The following DKK2 variants were observed in gnomAD, a reference collection of about 807,000 sequenced individuals.
The protein encoded by DKK2 is dickkopf-related protein 2.
A neutral mutation model predicts 28.1 loss-of-function variants in DKK2; 11 were observed. The observed-to-expected ratio is 0.39, with a 90% CI of 0.25 to 0.65. The LOEUF (loss-of-function observed/expected upper bound fraction) is 0.65. Among genes scored for constraint, DKK2 ranks in the 30% least tolerant of loss-of-function variants. DKK2 has a pLI of 0.47. For missense variants in DKK2, 326 were observed against 335.5 expected (o/e 0.97, Z 0.22); for synonymous variants, 135 against 126.5 (o/e 1.07, Z -0.45).
chr4:107,000,002 T>A (rs975576995), intron 1 of DKK2, among the ~76,000 whole-genome samples: 3 of 152,136 alleles, frequency 2.0e-5, no homozygotes, highest in South Asian at 2.1e-4. Flanking sequence ...TATAGAAAGA[T>A]GTGATAAGAG....
chr4:107,002,974 A>T (rs894556106), intron 1 of DKK2, among the ~76,000 whole-genome samples: 1 of 152,210 alleles, frequency 6.6e-6, no homozygotes, highest in Non-Finnish European at 1.5e-5. Flanking sequence ...ACACTCTTAC[A>T]GATGAGGAAT....
chr4:106,983,920 AC>A (rs1421963940), intron 1 of DKK2, among the ~76,000 whole-genome samples: 23 of 152,158 alleles, frequency 1.5e-4, no homozygotes, highest in Admixed American at 1.5e-3. Context: ...ATCAGTACAC[AC>A]CTATCAGAAT....
chr4:106,948,729 C>T (rs545650164), intron 1 of DKK2, among the ~76,000 whole-genome samples: 149 of 152,208 alleles, frequency 9.8e-4, no homozygotes, highest in Middle Eastern at 3.4e-3. Context: ...TGGCACAGTG[C>T]CTGGCATATA....
rs1376828868 is a variant in DKK2 at position 106,921,983 on chromosome 4, A to G, written c.*1971T>C. 1 of 152,646 alleles carries G rather than the reference A, an allele frequency of 6.6e-6. No homozygotes were observed. The highest frequency in any genetic ancestry group is 2.4e-5 in the African/African-American group (1 of 41,472). The allele number at this position is 152,646 out of a possible 1,614,324, so 9.5% of individuals were successfully genotyped here. The stretch of plus-strand genomic sequence containing the variant: ...AATTACTTCAAATAATAATTTTTAA[A>G]AGGGTGGACATAAGAAAAATATTGC... On this transcript the variant is annotated 3_prime_UTR_variant, in exon 4 of 4. Coordinates refer to ENST00000285311, the MANE Select transcript of DKK2 (RefSeq NM_014421.3).
rs1316203674 is a variant in DKK2, at chr4:106,922,224, T to C, written c.*1730A>G. 6.6e-6 allele frequency: 1 copy of C among 152,260 alleles called. No homozygotes were observed. Among genetic ancestry groups the C allele is most frequent in the African/African-American group, 2.4e-5 (1 of 41,456 alleles). The allele number at this position is 152,260 out of a possible 1,614,324, so 9.4% of individuals were successfully genotyped here. A position where few individuals can be genotyped will look rare whatever the true frequency, so the allele number is the denominator to read the frequency against. On this transcript the variant is annotated 3_prime_UTR_variant, in exon 4 of 4. Transcript: ENST00000285311. ...GGGAAGTTGAAATTTTTAATAGATA[T>C]ACAGGCTCAAACTCAATCTCTACTG...
At position 106,970,737 on chromosome 4, in the gene DKK2, T is replaced by A. The variant is rs1722857860; in HGVS notation, c.223-44788A>T. Among the ~76,000 whole-genome samples, 4 of 152,080 alleles carry A rather than the reference T, an allele frequency of 2.6e-5. No homozygotes were observed. In the South Asian group the frequency reaches 8.3e-4, roughly 31 times the overall value. ...ATTGTAGCAAAAGTGGCACTGCTGA[T>A]CATTGGAAAATCTTTAATCCAGATG... On this transcript the variant is annotated intron_variant, in intron 1 of 3. Coordinates refer to ENST00000285311, the MANE Select transcript of DKK2 (RefSeq NM_014421.3).
intron 1 of DKK2, among the ~76,000 whole-genome samples, chr4:106,944,893 T>A (rs1724754063): frequency 6.6e-6 from 1 of 152,150 alleles, no homozygotes; most frequent in Non-Finnish European, 1.5e-5. Flanking sequence ...GATTACTGTC[T>A]GACTATAACA....
intron 2 of DKK2, 40 bp downstream of exon 2, chr4:106,925,759 A>G (rs778248123): frequency 3.8e-5 from 59 of 1,572,386 alleles, no homozygotes; most frequent in Middle Eastern, 3.5e-4. Context: ...TATGATGATG[A>G]AAAGAAAGAG....
chr4:106,964,986 T>TAGATAGAC (rs1553922200), intron 1 of DKK2, among the ~76,000 whole-genome samples: 8 of 150,282 alleles, frequency 5.3e-5, no homozygotes, highest in Admixed American at 5.3e-4. Context: ...GATAGATAGA[T>TAGATAGAC]AGATAGATAG....
chr4:107,019,425 G>T (rs1460480311), intron 1 of DKK2, among the ~76,000 whole-genome samples: 1 of 151,860 alleles, frequency 6.6e-6, no homozygotes, highest in African/African-American at 2.4e-5. Flanking sequence ...GAGTTACTGA[G>T]TACTCCGCAC....
intron 1 of DKK2, among the ~76,000 whole-genome samples, chr4:106,927,735 C>A (rs1204379056): frequency 1.3e-5 from 2 of 152,106 alleles, no homozygotes; most frequent in Non-Finnish European, 2.9e-5. Flanking sequence ...CATTTTACCC[C>A]CTTCACATTT....
chr4:106,929,087 G>A (rs984260393), intron 1 of DKK2, among the ~76,000 whole-genome samples: 1 of 152,090 alleles, frequency 6.6e-6, no homozygotes, highest in African/African-American at 2.4e-5. Flanking sequence ...ACCTCCAAAG[G>A]CCATTGTCTA....
In DKK2 at chr4:107,032,962, G is replaced by GAA. The variant is rs1560596261; in HGVS notation, c.222+2407_222+2408insTT. Among the ~76,000 whole-genome samples, 618 of 151,972 alleles carry GAA rather than the reference G, an allele frequency of 4.1e-3. 4 individuals carry two copies. The highest frequency in any genetic ancestry group is 0.013 in the African/African-American group (540 of 41,416). On this transcript the variant is annotated intron_variant, in intron 1 of 3. Transcript: ENST00000285311. ...GAAAATAATAATACTAAGAATGTTG[G>GAA]TGACCACATAACTATAGAATAAAAA...
chr4:107,002,321 T>C (rs1723371480), intron 1 of DKK2, among the ~76,000 whole-genome samples: 2 of 152,214 alleles, frequency 1.3e-5, no homozygotes, highest in African/African-American at 4.8e-5. Flanking sequence ...TGTGTGGCTA[T>C]ATAGTTAGCA....
intron 1 of DKK2, among the ~76,000 whole-genome samples, chr4:107,010,965 A>C (rs931334038): frequency 2.6e-5 from 4 of 151,490 alleles, no homozygotes; most frequent in Non-Finnish European, 4.4e-5. Flanking sequence ...ATTTTAAGAA[A>C]TCTCTTTAAT....
At chr4:106,998,281 A>G (rs751264973) in intron 1 of DKK2, among the ~76,000 whole-genome samples, 4 of 152,198 alleles carry the variant, frequency 2.6e-5, no homozygotes, top group Non-Finnish European at 5.9e-5. Flanking sequence ...AAAATGTGGT[A>G]GCTCTCAATC....
rs185870255 is a variant in DKK2, at chr4:106,954,089, T to C, written c.223-28140A>G. Among the ~76,000 whole-genome samples, 141 of 152,312 alleles carry C rather than the reference T, an allele frequency of 9.3e-4. 1 individual carries two copies. Among genetic ancestry groups the C allele is most frequent in the Non-Finnish European group, 2.1e-4 (14 of 68,038 alleles). On this transcript the variant is annotated intron_variant, in intron 1 of 3. Transcript: ENST00000285311. ...AATATGTTATTTAAAGTATGAAATA[T>C]TTTTAAAAGTTATTATTCTCATTGA...
At chr4:106,942,750 G>A (rs925888828) in intron 1 of DKK2, among the ~76,000 whole-genome samples, 1 of 152,078 alleles carries the variant, frequency 6.6e-6, no homozygotes, top group African/African-American at 2.4e-5. Context: ...GGGTCAGTCT[G>A]TAATCTTATT....
chr4:106,993,173 C>T (rs1325338191), intron 1 of DKK2, among the ~76,000 whole-genome samples: 2 of 152,228 alleles, frequency 1.3e-5, no homozygotes, highest in African/African-American at 4.8e-5. Flanking sequence ...TGGAGTCTTG[C>T]TTAATTCCCA....
Sources: gnomAD v4.1 joint callset for allele counts (sites outside exome capture counted in the v4.1 genomes callset) on GRCh38, gnomAD v4.1.1 for gene constraint, MANE v1.5 for transcripts, NCBI Gene and HGNC (gene_info 2026-07-23, HGNC 2026-07-21) for gene names.